The following DLC1 variants were observed in gnomAD, a reference collection of about 807,000 sequenced individuals.
DLC1 encodes rho GTPase-activating protein 7.
In DLC1, 54 loss-of-function variants were observed where a neutral mutation model predicts 140.3. The observed-to-expected ratio is 0.38, with a 90% CI of 0.31 to 0.48. The LOEUF (loss-of-function observed/expected upper bound fraction) is 0.48, where lower values mean the gene tolerates loss of function less well. Ranked by LOEUF, DLC1 falls within the 20% of genes least tolerant of loss-of-function variation. The pLI is 0.96. For missense variants in DLC1, 2,536 were observed against 1,907.0 expected (o/e 1.33, Z -6.14); for synonymous variants, 986 against 728.1 (o/e 1.35, Z -5.70).
At chr8:13,166,329 T>C (rs1825104274) in intron 5 of DLC1, among the ~76,000 whole-genome samples, 1 of 152,148 alleles carries the variant, frequency 6.6e-6, no homozygotes, top group African/African-American at 2.4e-5. Flanking sequence ...TTGATTTATT[T>C]TTCTTTCTCT....
chr8:13,488,262 A>G (rs1024942717), intron 2 of DLC1, among the ~76,000 whole-genome samples: 8 of 152,220 alleles, frequency 5.3e-5, no homozygotes, highest in African/African-American at 1.9e-4. Flanking sequence ...ATTATTTCAT[A>G]GTTGAACCAT....
intron 5 of DLC1, among the ~76,000 whole-genome samples, chr8:13,216,550 C>G (rs958668286): frequency 6.6e-6 from 1 of 152,146 alleles, no homozygotes; most frequent in African/African-American, 2.4e-5. Context: ...CCCAGCAGAA[C>G]GTGCCAAGAC....
intron 5 of DLC1, among the ~76,000 whole-genome samples, chr8:13,146,027 C>A (rs1478739839): frequency 2.0e-5 from 3 of 151,978 alleles, no homozygotes. Flanking sequence ...ACCTGTAATC[C>A]CAGCACTTTG....
At chr8:13,223,051 C>T (rs1007158869) in intron 5 of DLC1, among the ~76,000 whole-genome samples, 4 of 152,142 alleles carry the variant, frequency 2.6e-5, no homozygotes, top group African/African-American at 7.2e-5. Flanking sequence ...CCATGCTTGG[C>T]CAGACCTTTT....
In DLC1 at chr8:13,137,705, A is replaced by G. The variant is rs575758411; in HGVS notation, c.1349-22048T>C. Among the ~76,000 whole-genome samples, 6 of 151,352 alleles carry G rather than the reference A, an allele frequency of 4.0e-5. No homozygotes were observed. The South Asian group carries it at 8.4e-4, about 21-fold the overall frequency. Reference sequence around the variant, plus strand: ...CAACCTCCGCCTCTGGTTTAAAGCAATTCTGCCTCAGCCTCCCACATAGCT... The same window carrying G: ...CAACCTCCGCCTCTGGTTTAAAGCAGTTCTGCCTCAGCCTCCCACATAGCT... On this transcript the variant is annotated intron_variant, in intron 5 of 17. Transcript: ENST00000276297.
At chr8:13,357,160 A>C (rs1215643574) in intron 4 of DLC1, among the ~76,000 whole-genome samples, 1 of 152,050 alleles carries the variant, frequency 6.6e-6, no homozygotes. Context: ...AATCTCAGCT[A>C]CTCGTGAGGC....
At chr8:13,153,287 G>C (rs1466221878) in intron 5 of DLC1, among the ~76,000 whole-genome samples, 1 of 152,114 alleles carries the variant, frequency 6.6e-6, no homozygotes, top group Non-Finnish European at 1.5e-5. Context: ...CAGCCCTTAA[G>C]GTGGCGCGTC....
At chr8:13,404,787 G>A (rs1172835088) in intron 2 of DLC1, among the ~76,000 whole-genome samples, 3 of 152,002 alleles carry the variant, frequency 2.0e-5, no homozygotes, top group Non-Finnish European at 4.4e-5. Context: ...CACTTGAGGT[G>A]AGGAGTTGGA....
chr8:13,587,331 A>T (rs534010255), intron 1 of DLC1, among the ~76,000 whole-genome samples: 1 of 151,972 alleles, frequency 6.6e-6, no homozygotes, highest in Admixed American at 6.6e-5. Context: ...CAGCTGGAAC[A>T]TATGTCTATT....
rs7823631 is a variant in DLC1, at chr8:13,586,558, T to A, written c.-126+17979A>T. On this transcript the variant is annotated intron_variant, in intron 1 of 1. Transcript: ENST00000631382. ...TTGAGTTTTTTTAATTAGACTTTTT[T>A]AAATATTTAGAGAATAATGCAGATG... Among the ~76,000 whole-genome samples the A allele has an allele frequency of 8.1e-3, 1,226 of 151,088 alleles. 16 individuals are homozygous for A. Among genetic ancestry groups the A allele is most frequent in the African/African-American group, 0.027 (1,095 of 41,076 alleles).
At chr8:13,150,503 C>CTGTCA (rs1312726301) in intron 5 of DLC1, among the ~76,000 whole-genome samples, 1 of 152,256 alleles carries the variant, frequency 6.6e-6, no homozygotes, top group East Asian at 1.9e-4. Context: ...ATGTGACTCC[C>CTGTCA]TGGTACAGAC....
chr8:13,596,112 G>C (rs529189720), intron 1 of DLC1, among the ~76,000 whole-genome samples: 1 of 152,112 alleles, frequency 6.6e-6, no homozygotes, highest in East Asian at 1.9e-4. Flanking sequence ...AAAATGATAA[G>C]AGTGATGTAG....
intron 4 of DLC1, among the ~76,000 whole-genome samples, chr8:13,368,814 T>C (rs1219371431): frequency 2.6e-5 from 4 of 152,126 alleles, no homozygotes; most frequent in Non-Finnish European, 5.9e-5. Context: ...GCTCAGTCCA[T>C]CTCTGATGAT....
intron 1 of DLC1, among the ~76,000 whole-genome samples, chr8:13,574,514 C>T (rs943284894): frequency 1.8e-4 from 28 of 152,106 alleles, no homozygotes; most frequent in African/African-American, 6.7e-4. Flanking sequence ...AGATGAGGTG[C>T]TAAGAAGCCA....
rs747784966 is a variant in DLC1 at position 13,491,000 on chromosome 8, C to CAT, written c.1023+8047_1023+8048dup. 5.3e-4 allele frequency among the ~76,000 whole-genome samples: 78 copies of CAT among 146,650 alleles called. 1 individual carries two copies. In the Middle Eastern group the frequency reaches 0.014, roughly 27 times the overall value. On this transcript the variant is annotated intron_variant, in intron 2 of 17. Coordinates refer to ENST00000276297, the MANE Select transcript of DLC1 (RefSeq NM_182643.3). ...ATAAATATATATATACACACACACA[C>CAT]ATATATATATAAATTCAGAATATAT...
At chr8:13,363,009 G>A (rs1468090632) in intron 4 of DLC1, among the ~76,000 whole-genome samples, 1 of 151,994 alleles carries the variant, frequency 6.6e-6, no homozygotes, top group African/African-American at 2.4e-5. Context: ...CATTTATTCA[G>A]TAATTGTGCA....
chr8:13,399,775 T>C (rs554881406), intron 3 of DLC1, among the ~76,000 whole-genome samples: 7 of 152,326 alleles, frequency 4.6e-5, no homozygotes, highest in African/African-American at 1.7e-4. Flanking sequence ...CCTTAAAGAC[T>C]ATATTATTCT....
chr8:13,144,698 G>C (rs892843579), intron 5 of DLC1, among the ~76,000 whole-genome samples: 3 of 152,204 alleles, frequency 2.0e-5, no homozygotes, highest in Admixed American at 6.5e-5. Context: ...CAGAGAGGCA[G>C]AGCTTGCAGT....
At chr8:13,425,052 A>G (rs1266934662) in intron 2 of DLC1, among the ~76,000 whole-genome samples, 1 of 151,740 alleles carries the variant, frequency 6.6e-6, no homozygotes, top group Admixed American at 6.6e-5. Flanking sequence ...GTCCAGGAAT[A>G]TTGTTTTGAA....
Sources: allele counts gnomAD v4.1 joint callset (sites outside exome capture counted in the v4.1 genomes callset), GRCh38; gene constraint gnomAD v4.1.1; transcripts MANE v1.5; gene names NCBI Gene and HGNC (gene_info 2026-07-23, HGNC 2026-07-21).